Variants in CHMP1A observed in about 807,000 individuals in gnomAD.
CHMP1A encodes the protein charged multivesicular body protein 1A.
A neutral mutation model predicts 27.0 loss-of-function variants in CHMP1A; 17 were observed. That is an observed-to-expected ratio of 0.63 (90% confidence interval 0.43 to 0.95). The LOEUF (loss-of-function observed/expected upper bound fraction) is 0.95. Ranked by LOEUF, CHMP1A falls within the 40% of genes least tolerant of loss-of-function variation. The probability of loss-of-function intolerance (pLI) is 0.00; values close to 1 mark genes in which losing one functional copy is unlikely to be tolerated. For missense variants in CHMP1A, 275 were observed against 264.0 expected (o/e 1.04, Z -0.29); for synonymous variants, 131 against 107.5 (o/e 1.22, Z -1.35).
At chr16:89,651,044 G>A (rs568898544) in intron 3 of CHMP1A, among the ~76,000 whole-genome samples, 1 of 152,104 alleles carries the variant, frequency 6.6e-6, no homozygotes, top group Non-Finnish European at 1.5e-5. Context: ...GTGCCTGTTT[G>A]TCTTATGTGG....
chr16:89,653,999 G>A (rs1197904741), intron 1 of CHMP1A, 76 bp from the exon 2 acceptor site: 2 of 1,492,256 alleles, frequency 1.3e-6, no homozygotes, highest in East Asian at 2.3e-5. Flanking sequence ...GGACTCACTA[G>A]GTTCCTTCTA....
At chr16:89,648,706 CATAG>C (rs2059800155) in intron 4 of CHMP1A, among the ~76,000 whole-genome samples, 1 of 128,130 alleles carries the variant, frequency 7.8e-6, no homozygotes, top group African/African-American at 3.1e-5. Flanking sequence ...GAGCGGCCAA[CATAG>C]ACACCCTGTC....
chr16:89,647,614 T>C lies in CHMP1A; in HGVS notation c.253-283A>G, dbSNP rs2460457. 0.34 allele frequency among the ~76,000 whole-genome samples: 24,679 copies of C among 71,658 alleles called. 4,769 individuals carry two copies. The highest frequency in any genetic ancestry group is 0.56 in the Middle Eastern group (59 of 106). The allele number at this position is 71,658 out of a possible 152,430, so 47.0% of individuals were successfully genotyped here. A position where few individuals can be genotyped will look rare whatever the true frequency, so the allele number is the denominator to read the frequency against. On this transcript the variant is annotated intron_variant, in intron 4 of 6. Coordinates refer to ENST00000397901, the MANE Select transcript of CHMP1A (RefSeq NM_002768.5). Reference sequence around the variant, plus strand: ...AAAGGCCGCCGACGTGGAGACCCAGTGCGGGGTCGGTGGAGAAAAGGCCGC... The same window carrying C: ...AAAGGCCGCCGACGTGGAGACCCAGCGCGGGGTCGGTGGAGAAAAGGCCGC...
intron 4 of CHMP1A, 115 bp downstream of exon 4, chr16:89,649,236 C>G: frequency 8.0e-7 from 1 of 1,251,742 alleles, no homozygotes; most frequent in South Asian, 1.6e-5. Flanking sequence ...AACCTCCCCA[C>G]CCCGCGCTGA....
rs748705531 is a variant in CHMP1A, at chr16:89,644,921, C to T, written c.*1145G>A. 2.0e-5 allele frequency: 3 copies of T among 152,552 alleles called. No individual in the cohort carries two copies. Among genetic ancestry groups the T allele is most frequent in the Non-Finnish European group, 4.4e-5 (3 of 68,094 alleles). The allele number at this position is 152,552 out of a possible 1,614,324, so 9.4% of individuals were successfully genotyped here. On this transcript the variant is annotated 3_prime_UTR_variant, in exon 7 of 7. Transcript: ENST00000397901. ...AAAACAAAACCTGGAAGCCTCAAGA[C>T]AATGAAGTAAACTTTAGGAAATGGA...
intron 3 of CHMP1A, among the ~76,000 whole-genome samples, chr16:89,651,258 C>G (rs2059821001): frequency 6.6e-6 from 1 of 152,166 alleles, no homozygotes; most frequent in African/African-American, 2.4e-5. Context: ...GTAATCGCAG[C>G]TACGTGTGAG....
rs763310272 is a variant in CHMP1A at position 89,651,616 on chromosome 16, T to C, written c.58A>G (p.Lys20Glu). ...FTAKQLEKLA[K>E]KAEKDSKAEQ... ...GCCTTGGAGTCCTTCTCCGCCTTCT[T>C]GGCCAGCTTCTCCAGCTGCTTCGCC... Residue 20 changes from lysine (K) to glutamate (E), a missense_variant, in exon 3 of 7, where the codon AAG becomes GAG. Coordinates refer to ENST00000397901, the MANE Select transcript of CHMP1A (RefSeq NM_002768.5). 5.6e-6 allele frequency: 9 copies of C among 1,613,766 alleles called. No homozygotes were observed. The highest frequency in any genetic ancestry group is 5.5e-5 in the South Asian group (5 of 91,080).
chr16:89,651,319 C>T (rs2059821603), intron 3 of CHMP1A, among the ~76,000 whole-genome samples: 2 of 151,978 alleles, frequency 1.3e-5, no homozygotes, highest in African/African-American at 4.8e-5. Context: ...TGCAGTGAGA[C>T]GAGATCGCAC....
intron 4 of CHMP1A, among the ~76,000 whole-genome samples, 186 bp from the exon 5 acceptor site, chr16:89,647,517 CATGGAG>C (rs2059784751): frequency 6.6e-6 from 1 of 152,066 alleles, no homozygotes; most frequent in African/African-American, 2.4e-5. Context: ...CGGAAAAGGC[CATGGAG>C]ACCCAGTGCG....
chr16:89,651,065 C>CT (rs2059819796), intron 3 of CHMP1A, among the ~76,000 whole-genome samples: 1 of 152,056 alleles, frequency 6.6e-6, no homozygotes, highest in Non-Finnish European at 1.5e-5. Context: ...GAAGCAAATA[C>CT]TTTGAGGCTC....
Position 89,645,607 on chromosome 16 carries a change from G to A in CHMP1A, c.*459C>T, listed in dbSNP as rs930585978. 9 of 281,520 alleles carry A rather than the reference G, an allele frequency of 3.2e-5. No homozygotes were observed. Among genetic ancestry groups the A allele is most frequent in the South Asian group, 6.1e-5 (2 of 33,044 alleles). 17.4% of individuals were successfully genotyped at this position (281,520 alleles called of 1,614,324 possible). ...CACCTGACATCCCCCAGCACACATA[G>A]ACCTGTGGTGCCTCCTTGGGCTATG... On this transcript the variant is annotated 3_prime_UTR_variant, in exon 7 of 7. Coordinates refer to ENST00000397901, the MANE Select transcript of CHMP1A (RefSeq NM_002768.5).
At chr16:89,649,628 T>C in intron 3 of CHMP1A, 131 bp from the exon 4 acceptor site, 4 of 1,083,264 alleles carry the variant, frequency 3.7e-6, no homozygotes, top group Non-Finnish European at 2.7e-6. Flanking sequence ...CAGGCTGGAG[T>C]GCAGTGGCAC....
intron 6 of CHMP1A, 104 bp downstream of exon 6, chr16:89,646,423 C>A (rs186254603): frequency 7.8e-7 from 1 of 1,287,422 alleles, no homozygotes; most frequent in Non-Finnish European, 1.1e-6. Flanking sequence ...TGGTCGGAGC[C>A]TCAGCCCAAG....
intron 2 of CHMP1A, among the ~76,000 whole-genome samples, chr16:89,651,976 C>T (rs1174220845): frequency 8.5e-5 from 13 of 152,344 alleles, no homozygotes; most frequent in Non-Finnish European, 2.9e-5. Flanking sequence ...ACTCTGATCT[C>T]GGCTCCTGCT....
intron 3 of CHMP1A, 158 bp from the exon 4 acceptor site, chr16:89,649,655 A>G: frequency 1.2e-6 from 1 of 804,194 alleles, no homozygotes; most frequent in Non-Finnish European, 1.9e-6. Flanking sequence ...GACTCAACGC[A>G]AGCTCCGCCC....
At position 89,648,473 on chromosome 16, in the gene CHMP1A, G is replaced by A. The variant is rs778189770; in HGVS notation, c.252+878C>T. Among the ~76,000 whole-genome samples the A allele has an allele frequency of 1.3e-5, 2 of 152,084 alleles. 1 individual carries two copies. The highest frequency in any genetic ancestry group is 2.9e-5 in the Non-Finnish European group (2 of 68,006). ...TCTCCAGGACTGCTGTGCCCTCCTG[G>A]CCCACCTGCACTGTGTGAAGGAAAT... On this transcript the variant is annotated intron_variant, in intron 4 of 6. Coordinates refer to ENST00000397901, the MANE Select transcript of CHMP1A (RefSeq NM_002768.5).
chr16:89,657,693 G>GACTTCCGGGGTCGCCGCCCC lies in CHMP1A; in HGVS notation c.-106_-105insGGGGCGGCGACCCCGGAAGT. 6.4e-7 allele frequency: 1 copy of GACTTCCGGGGTCGCCGCCCC among 1,571,166 alleles called. No homozygotes were observed. The highest frequency in any genetic ancestry group is 1.4e-5 in the African/African-American group (1 of 72,088). ...AACCGACCAAGCTGCACCCGGCGGG[G>GACTTCCGGGGTCGCCGCCCC]ACTTCCGGGGTCGCCGCCCCACTTC... is the stretch of plus-strand genomic sequence containing the variant. On this transcript the variant is annotated 5_prime_UTR_variant, in exon 1 of 7. Coordinates refer to ENST00000397901, the MANE Select transcript of CHMP1A (RefSeq NM_002768.5).
rs141950187 is a variant in CHMP1A, at chr16:89,651,373, A to AAAAC, written c.105+192_105+195dup. On this transcript the variant is annotated intron_variant, in intron 3 of 6. Transcript: ENST00000397901. Reference sequence around the variant, plus strand: ...GCGACAGAGCAAGACTCCGTCTCAAAAAACAAACAAACAAACAAACAAACA... The same window carrying AAAAC: ...GCGACAGAGCAAGACTCCGTCTCAAAAAACAAACAAACAAACAAACAAACAAACA... Among the ~76,000 whole-genome samples the AAAAC allele has an allele frequency of 4.3e-3, 647 of 149,672 alleles. 5 individuals are homozygous for AAAAC. The highest frequency in any genetic ancestry group is 0.015 in the African/African-American group (588 of 40,506).
At chr16:89,646,145 C>G (rs899976926) in intron 6 of CHMP1A, 58 bp from the exon 7 acceptor site, 2 of 1,466,630 alleles carry the variant, frequency 1.4e-6, no homozygotes, top group East Asian at 2.3e-5. Flanking sequence ...CTGACCACCA[C>G]GTGCTCCCAG....
Sources: allele counts gnomAD v4.1 joint callset (sites outside exome capture counted in the v4.1 genomes callset), GRCh38; gene constraint gnomAD v4.1.1; transcripts MANE v1.5; gene names NCBI Gene and HGNC (gene_info 2026-07-23, HGNC 2026-07-21).